COIL: variants seen among roughly 807,000 people sequenced by gnomAD.
COIL encodes coilin p80.
A neutral mutation model predicts 51.6 loss-of-function variants in COIL; 28 were observed. The ratio of observed to expected loss-of-function variants is 0.54; its 90% confidence interval spans 0.40 to 0.74. The LOEUF is 0.74. Among genes scored for constraint, COIL ranks in the 30% least tolerant of loss-of-function variants. COIL has a pLI of 0.00. For missense variants in COIL, 667 were observed against 685.9 expected (o/e 0.97, Z 0.31); for synonymous variants, 233 against 255.8 (o/e 0.91, Z 0.85).
intron 1 of COIL, chr17:56,951,339 T>C: frequency 5.2e-6 from 1 of 193,864 alleles, no homozygotes; most frequent in Non-Finnish European, 1.0e-5. Context: ...AATCTAGAGC[T>C]GATAAGTAGC....
At chr17:56,946,983 G>A (rs1910261123) in intron 4 of COIL, among the ~76,000 whole-genome samples, 1 of 152,138 alleles carries the variant, frequency 6.6e-6, no homozygotes, top group South Asian at 2.1e-4. Flanking sequence ...AACCCCCCAG[G>A]AGAAACCAGA....
intron 1 of COIL, among the ~76,000 whole-genome samples, chr17:56,954,967 T>C (rs1910455907): frequency 6.6e-6 from 1 of 152,206 alleles, no homozygotes; most frequent in South Asian, 2.1e-4. Flanking sequence ...AATAGAGCTA[T>C]CCTTTTACAA....
chr17:56,944,772 CTT>C (rs1910213010), intron 5 of COIL, among the ~76,000 whole-genome samples: 1 of 152,104 alleles, frequency 6.6e-6, no homozygotes, highest in Non-Finnish European at 1.5e-5. Flanking sequence ...AACCTCAACA[CTT>C]TGGGAGGCCA....
At chr17:56,954,790 G>A (rs1467095630) in intron 1 of COIL, among the ~76,000 whole-genome samples, 1 of 151,756 alleles carries the variant, frequency 6.6e-6, no homozygotes, top group Non-Finnish European at 1.5e-5. Context: ...GCAACACAGT[G>A]AGCCCTCATC....
Position 56,949,574 on chromosome 17 carries a change from T to C in COIL, c.1440+107A>G, listed in dbSNP as rs149565595. ...CCAGGAACCCGTAACAACACTGGGGTTCCAGTGGGAAGGGCTTTTACAAAC... is the reference window on the plus strand; with the variant it reads ...CCAGGAACCCGTAACAACACTGGGGCTCCAGTGGGAAGGGCTTTTACAAAC... On this transcript the variant is annotated intron_variant, in intron 3 of 6. Coordinates refer to ENST00000240316, the MANE Select transcript of COIL (RefSeq NM_004645.3). The C allele has an allele frequency of 1.1e-5, 15 of 1,363,326 alleles. No homozygotes were observed. In the African/African-American group the frequency reaches 1.7e-4, roughly 16 times the overall value. The allele number at this position is 1,363,326 out of a possible 1,614,324, so 84.5% of individuals were successfully genotyped here. A position where few individuals can be genotyped will look rare whatever the true frequency, so the allele number is the denominator to read the frequency against.
At chr17:56,954,543 G>A (rs1910448564) in intron 1 of COIL, among the ~76,000 whole-genome samples, 1 of 151,594 alleles carries the variant, frequency 6.6e-6, no homozygotes, top group African/African-American at 2.4e-5. Flanking sequence ...CCTGGCGACA[G>A]ATAGAGACTC....
intron 1 of COIL, among the ~76,000 whole-genome samples, chr17:56,954,959 T>C (rs143435353): frequency 2.6e-5 from 4 of 152,354 alleles, no homozygotes; most frequent in Admixed American, 6.5e-5. Context: ...AGACAAAGAA[T>C]AGAGCTATCC....
At chr17:56,948,083 C>A (rs1484754182) in intron 4 of COIL, among the ~76,000 whole-genome samples, 1 of 151,746 alleles carries the variant, frequency 6.6e-6, no homozygotes, top group Non-Finnish European at 1.5e-5. Context: ...AGAACTAACC[C>A]ACCAGATCCC....
intron 4 of COIL, among the ~76,000 whole-genome samples, chr17:56,946,966 T>C (rs1241059287): frequency 2.6e-5 from 4 of 152,170 alleles, no homozygotes; most frequent in African/African-American, 7.2e-5. Flanking sequence ...TCTAAAACAG[T>C]GATCACAACC....
At chr17:56,952,470 A>T (rs1162771401) in intron 1 of COIL, 1 of 323,940 alleles carries the variant, frequency 3.1e-6, no homozygotes, top group Non-Finnish European at 5.9e-6. Context: ...GAGTATGTGC[A>T]AGGTTGTTTC....
In COIL at chr17:56,950,905, C is replaced by T; in HGVS notation, c.337G>A (p.Ala113Thr). The T allele has an allele frequency of 1.2e-6, 2 of 1,613,798 alleles. No homozygotes were observed. Among genetic ancestry groups the T allele is most frequent in the Non-Finnish European group, 1.7e-6 (2 of 1,180,022 alleles). The change falls in exon 2 of 7, where the codon GCA becomes ACA. Residue 113 changes from alanine to threonine, a missense_variant. Coordinates refer to ENST00000240316, the MANE Select transcript of COIL (RefSeq NM_004645.3). ...TCTTCACCCTCCTCTAACTGAAATG[C>T]CCGCTTCTTTGCTTTTCTAAGAGAT... ...NLSLRKAKKR[A>T]FQLEEGEETE...
At chr17:56,955,856 G>A (rs1321747955) in intron 1 of COIL, among the ~76,000 whole-genome samples, 3 of 152,034 alleles carry the variant, frequency 2.0e-5, no homozygotes, top group South Asian at 4.1e-4. Flanking sequence ...AGACCAATGA[G>A]TATTTCTTCT....
intron 6 of COIL, 49 bp downstream of exon 6, chr17:56,941,986 T>C (rs954471054): frequency 1.4e-6 from 2 of 1,444,296 alleles, no homozygotes; most frequent in African/African-American, 2.8e-5. Context: ...AGGTAATTGG[T>C]CAAGAGAGAA....
intron 1 of COIL, among the ~76,000 whole-genome samples, chr17:56,959,984 G>A (rs948959674): frequency 2.6e-5 from 4 of 151,450 alleles, no homozygotes; most frequent in Non-Finnish European, 5.9e-5. Context: ...GGGAAGCCGG[G>A]AGGATCACTT....
chr17:56,946,788 A>C (rs1455047593), intron 4 of COIL, among the ~76,000 whole-genome samples: 1 of 152,236 alleles, frequency 6.6e-6, no homozygotes, highest in Non-Finnish European at 1.5e-5. Flanking sequence ...AACTCGATGA[A>C]AGTAAAGATT....
Position 56,950,276 on chromosome 17 carries a change from CT to C in COIL, c.965del (p.Glu322GlyfsTer7). ...ATGACATCAAGCATTGGTCGTCTGA[CT>C]CTGCACTAGAGTCTGAACTGGAAGA... is the stretch of plus-strand genomic sequence containing the variant. The part of the protein sequence containing the change: ...TTSSSSDSSA[E>X]SDDQCLMSSS... On this transcript the variant is annotated frameshift_variant, in exon 2 of 7. Transcript: ENST00000240316. LOFTEE classifies it high-confidence loss of function. The C allele has an allele frequency of 6.2e-7, 1 of 1,614,230 alleles. No individual in the cohort carries two copies. Among genetic ancestry groups the C allele is most frequent in the Non-Finnish European group, 8.5e-7 (1 of 1,180,036 alleles).
At chr17:56,943,613 G>C (rs1452661653) in intron 5 of COIL, among the ~76,000 whole-genome samples, 1 of 152,200 alleles carries the variant, frequency 6.6e-6, no homozygotes, top group Non-Finnish European at 1.5e-5. Context: ...GATGCACAGT[G>C]ACCAGTCACT....
chr17:56,945,009 C>T (rs150388194), intron 5 of COIL, among the ~76,000 whole-genome samples: 3,442 of 146,858 alleles, frequency 0.023, 65 homozygotes, highest in Non-Finnish European at 0.028. Flanking sequence ...AGCAACACTC[C>T]GTCTCAAAAA....
intron 1 of COIL, among the ~76,000 whole-genome samples, chr17:56,958,955 T>C (rs1180351345): frequency 1.3e-5 from 2 of 152,128 alleles, no homozygotes; most frequent in African/African-American, 4.8e-5. Flanking sequence ...CTGACATGCT[T>C]GAGGGTAAGG....
Sources: gnomAD v4.1 joint callset for allele counts (sites outside exome capture counted in the v4.1 genomes callset) on GRCh38, gnomAD v4.1.1 for gene constraint, MANE v1.5 for transcripts, NCBI Gene and HGNC (gene_info 2026-07-23, HGNC 2026-07-21) for gene names.